Variants in XKR9 observed in about 807,000 individuals in gnomAD.
The protein encoded by XKR9 is XK-related protein 9.
In XKR9, 32 loss-of-function variants were observed where a neutral mutation model predicts 32.0. That is an observed-to-expected ratio of 1.00 (90% CI 0.76 to 1.34). The LOEUF (loss-of-function observed/expected upper bound fraction) is 1.34, where lower values mean the gene tolerates loss of function less well. XKR9 is among the 40% of genes most tolerant of loss of function. The probability of loss-of-function intolerance (pLI) is 0.00; values close to 1 mark genes in which losing one functional copy is unlikely to be tolerated. For synonymous variants in XKR9, 168 were observed against 143.4 expected (o/e 1.17, Z -1.22); for missense variants, 546 against 429.7 (o/e 1.27, Z -2.39).
the XKR9 span, among the ~76,000 whole-genome samples, chr8:70,899,498 C>T: frequency 4.0e-5 from 6 of 151,234 alleles, no homozygotes; most frequent in African/African-American, 1.5e-4. Flanking sequence ...TGGGGAGTCA[C>T]TTGTTAGTAC....
At chr8:70,944,867 C>T in the XKR9 span, among the ~76,000 whole-genome samples, 1 of 152,206 alleles carries the variant, frequency 6.6e-6, no homozygotes, top group African/African-American at 2.4e-5. Context: ...TTCATGTTCT[C>T]AGGCAGTCCT....
chr8:70,833,251 A>T, the XKR9 span, among the ~76,000 whole-genome samples: 2 of 152,160 alleles, frequency 1.3e-5, no homozygotes, highest in African/African-American at 4.8e-5. Flanking sequence ...GTTTCTCAGA[A>T]TTGTAATTTA....
At chr8:71,032,400 A>G in the XKR9 span, among the ~76,000 whole-genome samples, 5 of 152,048 alleles carry the variant, frequency 3.3e-5, no homozygotes, top group Admixed American at 3.3e-4. Flanking sequence ...CCAGCCTTTA[A>G]GAGGAAAACA....
At chr8:71,036,687 C>T in the XKR9 span, among the ~76,000 whole-genome samples, 14 of 151,956 alleles carry the variant, frequency 9.2e-5, no homozygotes, top group East Asian at 1.7e-3. Context: ...TGCAGGTGTC[C>T]GATAAATGTT....
chr8:70,720,736 T>TC (rs1424831380), intron 4 of XKR9, among the ~76,000 whole-genome samples: 1 of 152,202 alleles, frequency 6.6e-6, no homozygotes, highest in Non-Finnish European at 1.5e-5. Context: ...TCGATGTTCA[T>TC]CAGGGATATT....
At chr8:70,993,213 G>T in the XKR9 span, among the ~76,000 whole-genome samples, 1 of 152,176 alleles carries the variant, frequency 6.6e-6, no homozygotes, top group African/African-American at 2.4e-5. Flanking sequence ...CCCTAGCACA[G>T]CCGGTCTGTG....
intron 4 of XKR9, among the ~76,000 whole-genome samples, chr8:70,733,135 G>A (rs1188223620): frequency 6.6e-6 from 1 of 152,104 alleles, no homozygotes; most frequent in African/African-American, 2.4e-5. Context: ...AAAGAGAGTG[G>A]TAATTAACTT....
At chr8:70,891,055 C>T in the XKR9 span, among the ~76,000 whole-genome samples, 2 of 151,812 alleles carry the variant, frequency 1.3e-5, no homozygotes, top group Non-Finnish European at 3.0e-5. Flanking sequence ...TAACCATTTC[C>T]ATTAGGTTTT....
chr8:70,798,412 TG>T, the XKR9 span, among the ~76,000 whole-genome samples: 1 of 122,796 alleles, frequency 8.1e-6, no homozygotes, highest in Non-Finnish European at 2.0e-5. Context: ...GTTTGGTTTT[TG>T]CTTGTTAATT....
At chr8:70,967,445 GTAT>G in the XKR9 span, among the ~76,000 whole-genome samples, 31 of 152,022 alleles carry the variant, frequency 2.0e-4, no homozygotes, top group Non-Finnish European at 3.2e-4. Flanking sequence ...TTTAAGGTTG[GTAT>G]TATTATGTGT....
intron 2 of XKR9, among the ~76,000 whole-genome samples, chr8:70,751,155 A>T (rs1307739198): frequency 6.6e-6 from 1 of 152,096 alleles, no homozygotes; most frequent in Non-Finnish European, 1.5e-5. Flanking sequence ...TTGAGATGGA[A>T]TCTCACTCTG....
chr8:70,733,041 C>T (rs142962442), intron 4 of XKR9, among the ~76,000 whole-genome samples: 15 of 152,176 alleles, frequency 9.9e-5, no homozygotes, highest in Admixed American at 2.6e-4. Flanking sequence ...TGGTTGAACC[C>T]GGGAGGTGGA....
chr8:71,042,571 A>G, the XKR9 span, among the ~76,000 whole-genome samples: 1 of 152,322 alleles, frequency 6.6e-6, no homozygotes, highest in East Asian at 1.9e-4. Context: ...TTTTGAATGT[A>G]GTAAGTGCTG....
chr8:70,945,816 T>C, the XKR9 span, among the ~76,000 whole-genome samples: 1 of 152,194 alleles, frequency 6.6e-6, no homozygotes, highest in Non-Finnish European at 1.5e-5. Context: ...CAGCAGCCCA[T>C]TGACTTACAG....
At chr8:70,999,883 A>G in the XKR9 span, among the ~76,000 whole-genome samples, 48,495 of 152,144 alleles carry the variant, frequency 0.32, 9,067 homozygotes, top group Non-Finnish European at 0.43. Context: ...GCAATGGCTT[A>G]TATTGATAGT....
At chr8:70,999,874 C>A in the XKR9 span, among the ~76,000 whole-genome samples, 1 of 152,208 alleles carries the variant, frequency 6.6e-6, no homozygotes, top group Non-Finnish European at 1.5e-5. Flanking sequence ...TACAACACTG[C>A]AATGGCTTAT....
At chr8:70,970,017 G>A in the XKR9 span, among the ~76,000 whole-genome samples, 8 of 152,118 alleles carry the variant, frequency 5.3e-5, no homozygotes, top group East Asian at 1.3e-3. Context: ...CCATTCCTGA[G>A]TAACTTCACT....
At chr8:70,870,977 A>G in the XKR9 span, among the ~76,000 whole-genome samples, 6 of 152,314 alleles carry the variant, frequency 3.9e-5, no homozygotes, top group South Asian at 6.2e-4. Flanking sequence ...TTCTTCAACC[A>G]CAAGTGGGGA....
chr8:71,017,887 A>G, the XKR9 span, among the ~76,000 whole-genome samples: 1 of 152,230 alleles, frequency 6.6e-6, no homozygotes, highest in South Asian at 2.1e-4. Context: ...GTCTCTCTTC[A>G]TCATAGTTTT....
Sources: gnomAD v4.1 joint callset for allele counts (sites outside exome capture counted in the v4.1 genomes callset) on GRCh38, gnomAD v4.1.1 for gene constraint, MANE v1.5 for transcripts, NCBI Gene and HGNC (gene_info 2026-07-23, HGNC 2026-07-21) for gene names.